The following XPO4 variants were observed in gnomAD, a reference collection of about 807,000 sequenced individuals.
XPO4 encodes exportin-4.
A neutral mutation model predicts 143.0 loss-of-function variants in XPO4; 39 were observed. The ratio of observed to expected loss-of-function variants is 0.27; its 90% CI spans 0.21 to 0.36. XPO4 has a LOEUF of 0.36. Among genes scored for constraint, XPO4 ranks in the 10% least tolerant of loss-of-function variants. The probability of loss-of-function intolerance (pLI) is 1.00; values close to 1 mark genes in which losing one functional copy is unlikely to be tolerated. For synonymous variants in XPO4, 439 were observed against 474.0 expected (o/e 0.93, Z 0.96); for missense variants, 907 against 1,348.0 (o/e 0.67, Z 5.12).
intron 3 of XPO4, among the ~76,000 whole-genome samples, chr13:20,862,489 T>C (rs886852550): frequency 1.3e-5 from 2 of 152,146 alleles, no homozygotes; most frequent in Non-Finnish European, 2.9e-5. Flanking sequence ...TTTTAAATTT[T>C]TTTTCTTTTT....
chr13:20,809,782 A>C lies in XPO4; in HGVS notation c.1350+9T>G. ...TAGACTGTTAATTACCATCTTGCTT[A>C]AAACTCACCAAATTTCTTGTGCCAT... On this transcript the variant is annotated intron_variant, in intron 10 of 22. Transcript: ENST00000255305. 1 of 1,601,094 alleles carries C rather than the reference A, an allele frequency of 6.2e-7. No homozygotes were observed. Among genetic ancestry groups the C allele is most frequent in the Non-Finnish European group, 8.5e-7 (1 of 1,174,008 alleles).
intron 15 of XPO4, among the ~76,000 whole-genome samples, chr13:20,799,772 G>A (rs1272428713): frequency 6.6e-6 from 1 of 152,116 alleles, no homozygotes; most frequent in Admixed American, 6.5e-5. Context: ...GTTGTAGAAA[G>A]CACTAAAAAT....
In XPO4 at chr13:20,838,025, G is replaced by A. The variant is rs564801449; in HGVS notation, c.727+4870C>T. On this transcript the variant is annotated intron_variant, in intron 6 of 22. Transcript: ENST00000255305. ...AACTCCTGAGCTCAAGCCATCCACC[G>A]GCCTTGGCCTCCCAAAGTACTGGGA... is the stretch of plus-strand genomic sequence containing the variant. Among the ~76,000 whole-genome samples the A allele has an allele frequency of 3.5e-4, 53 of 152,066 alleles. No individual in the cohort carries two copies. The South Asian group carries it at 7.5e-3, about 21-fold the overall frequency.
At position 20,894,365 on chromosome 13, in the gene XPO4, G is replaced by T. The variant is rs1371003931; in HGVS notation, c.69+8305C>A. Among the ~76,000 whole-genome samples, 4 of 151,992 alleles carry T rather than the reference G, an allele frequency of 2.6e-5. No individual in the cohort carries two copies. The East Asian group carries it at 7.7e-4, about 29-fold the overall frequency. ...ATTTTTCCTTTTATTTATTCACAAG[G>T]TTATATTATACTTAGCAGTGATTAA... is the stretch of plus-strand genomic sequence containing the variant. On this transcript the variant is annotated intron_variant, in intron 1 of 22. Coordinates refer to ENST00000255305, the MANE Select transcript of XPO4 (RefSeq NM_022459.5).
intron 1 of XPO4, among the ~76,000 whole-genome samples, chr13:20,883,336 T>C (rs2060431208): frequency 6.6e-6 from 1 of 152,030 alleles, no homozygotes; most frequent in Non-Finnish European, 1.5e-5. Context: ...TGAGAAACAC[T>C]AAAAATCAGA....
In XPO4 at chr13:20,800,949, C is replaced by T. The variant is rs768677261; in HGVS notation, c.1859G>A (p.Arg620Gln). 3.7e-6 allele frequency: 6 copies of T among 1,613,888 alleles called. No individual in the cohort carries two copies. Among genetic ancestry groups the T allele is most frequent in the East Asian group, 2.2e-5 (1 of 44,842 alleles). ...AILRVSEVES[R>Q]AIRADLTHLL... ...ATGAGTGAGATCTGCTCTTATTGCT[C>T]GAGATTCAACTTCTGAAACTCTGAG... is the stretch of plus-strand genomic sequence containing the variant. The change falls in exon 14 of 23, where the codon CGA becomes CAA. Residue 620 changes from arginine (R) to glutamine (Q), a missense_variant. By Grantham distance (43) the Arg-to-Gln change is conservative. Coordinates refer to ENST00000255305, the MANE Select transcript of XPO4 (RefSeq NM_022459.5).
rs752805990 is a variant in XPO4 at position 20,822,181 on chromosome 13, C to T, written c.949G>A (p.Val317Ile). The change falls in exon 8 of 23, where the codon GTT (valine) becomes ATT (isoleucine). Residue 317 changes from valine (V) to isoleucine (I), a missense_variant. Transcript: ENST00000255305. ...TCAATGAAGTGTGCTAGATAATCAA[C>T]TTGTGATCCTTCATCTGGGAAGATG... Reference protein sequence around the residue: ...GPIFPDEGSQVDYLAHFIEGL... With the variant: ...GPIFPDEGSQIDYLAHFIEGL... The T allele has an allele frequency of 2.5e-6, 4 of 1,613,874 alleles. No individual in the cohort carries two copies. The highest frequency in any genetic ancestry group is 2.7e-5 in the African/African-American group (2 of 74,922).
chr13:20,875,410 A>AAT (rs1185380477), intron 1 of XPO4, among the ~76,000 whole-genome samples: 1 of 152,196 alleles, frequency 6.6e-6, no homozygotes, highest in Admixed American at 6.5e-5. Context: ...TAGCAAAGCT[A>AAT]CCCTTTCAAA....
At chr13:20,887,865 G>T (rs1199489394) in intron 1 of XPO4, among the ~76,000 whole-genome samples, 6 of 142,114 alleles carry the variant, frequency 4.2e-5, no homozygotes, top group Non-Finnish European at 9.2e-5. Context: ...TCTCAAAAAA[G>T]GAAAGGAAAA....
chr13:20,843,498 G>A (rs1274697714), intron 5 of XPO4, among the ~76,000 whole-genome samples: 1 of 152,110 alleles, frequency 6.6e-6, no homozygotes, highest in South Asian at 2.1e-4. Flanking sequence ...AATTGAATTA[G>A]TTATATCTAA....
Position 20,876,915 on chromosome 13 carries a change from C to A in XPO4, c.70-8214G>T, listed in dbSNP as rs2060358921. Among the ~76,000 whole-genome samples the A allele has an allele frequency of 2.0e-5, 3 of 152,220 alleles. No homozygotes were observed. The South Asian group carries it at 6.2e-4, about 32-fold the overall frequency. On this transcript the variant is annotated intron_variant, in intron 1 of 22. Coordinates refer to ENST00000255305, the MANE Select transcript of XPO4 (RefSeq NM_022459.5). ...GACCCAAGCAGGTTGCCGCTGCTGG[C>A]TGGGGTGGCCAGCTTTTATTCCCTT...
At chr13:20,876,220 C>A (rs1160443986) in intron 1 of XPO4, among the ~76,000 whole-genome samples, 1 of 148,578 alleles carries the variant, frequency 6.7e-6, no homozygotes, top group Non-Finnish European at 1.5e-5. Flanking sequence ...CAAGATTGCG[C>A]CATTGCACTC....
chr13:20,851,781 G>C, intron 4 of XPO4: 1 of 984,520 alleles, frequency 1.0e-6, no homozygotes, highest in Non-Finnish European at 1.2e-6. Context: ...AAAAACTTTG[G>C]AGTCTTTCAT....
chr13:20,901,527 A>G (rs370370848), intron 1 of XPO4, among the ~76,000 whole-genome samples: 2 of 152,342 alleles, frequency 1.3e-5, no homozygotes. Flanking sequence ...AAAGTGTGAA[A>G]ACCTTCACTA....
chr13:20,826,240 A>G (rs1678081198), intron 7 of XPO4, among the ~76,000 whole-genome samples: 1 of 152,220 alleles, frequency 6.6e-6, no homozygotes, highest in Non-Finnish European at 1.5e-5. Context: ...TTACATCTTG[A>G]TATTTAGCCA....
chr13:20,861,398 T>G lies in XPO4; in HGVS notation c.317+1319A>C, dbSNP rs181494729. 3.4e-3 allele frequency among the ~76,000 whole-genome samples: 506 copies of G among 148,824 alleles called. 4 individuals carry two copies. Among genetic ancestry groups the G allele is most frequent in the African/African-American group, 0.012 (484 of 40,388 alleles). ...ACAACCTCTGCCTCCCAGGTTTGAG[T>G]AATTCTCCTGATTCAGCCTCCCAAG... is the stretch of plus-strand genomic sequence containing the variant. On this transcript the variant is annotated intron_variant, in intron 3 of 22. Transcript: ENST00000255305.
At chr13:20,870,522 G>A (rs563697949) in intron 1 of XPO4, among the ~76,000 whole-genome samples, 5 of 152,094 alleles carry the variant, frequency 3.3e-5, no homozygotes, top group South Asian at 4.1e-4. Context: ...AGATCAAGGC[G>A]GGTAGATCAC....
intron 6 of XPO4, among the ~76,000 whole-genome samples, chr13:20,831,330 TA>T (rs2059849651): frequency 2.6e-5 from 4 of 152,212 alleles, no homozygotes. Flanking sequence ...AAGTTTGGTT[TA>T]TAGTCACCAC....
At chr13:20,884,008 C>T (rs1028287311) in intron 1 of XPO4, among the ~76,000 whole-genome samples, 7 of 152,198 alleles carry the variant, frequency 4.6e-5, no homozygotes, top group South Asian at 2.1e-4. Context: ...TCAGGTGATC[C>T]GCATGCCTCA....
Sources: gnomAD v4.1 joint callset for allele counts (sites outside exome capture counted in the v4.1 genomes callset) on GRCh38, gnomAD v4.1.1 for gene constraint, MANE v1.5 for transcripts, NCBI Gene and HGNC (gene_info 2026-07-23, HGNC 2026-07-21) for gene names.